MPHOSPH9: variants seen among roughly 807,000 people sequenced by gnomAD.
The protein encoded by MPHOSPH9 is M-phase phosphoprotein 9.
MPHOSPH9 carries 88 observed loss-of-function variants against 145.5 expected under a neutral mutation model. The observed-to-expected ratio is 0.60, with a 90% CI of 0.51 to 0.72. The LOEUF is 0.72. Ranked by LOEUF, MPHOSPH9 falls within the 30% of genes least tolerant of loss-of-function variation. The pLI is 0.00. For synonymous variants in MPHOSPH9, 435 were observed against 486.2 expected (o/e 0.89, Z 1.39); for missense variants, 1,238 against 1,386.6 (o/e 0.89, Z 1.70).
At chr12:123,219,135 G>A (rs2047092585) in intron 5 of MPHOSPH9, among the ~76,000 whole-genome samples, 1 of 151,620 alleles carries the variant, frequency 6.6e-6, no homozygotes, top group South Asian at 2.1e-4. Flanking sequence ...GAACTCCTGG[G>A]CTCAAGTGAT....
intron 13 of MPHOSPH9, among the ~76,000 whole-genome samples, chr12:123,182,306 T>C (rs1247092657): frequency 6.9e-6 from 1 of 144,630 alleles, no homozygotes; most frequent in Non-Finnish European, 1.5e-5. Context: ...TAGGTTGAAG[T>C]GCAGTGGCGT....
chr12:123,175,745 C>G (rs1046937118), intron 16 of MPHOSPH9, among the ~76,000 whole-genome samples: 2 of 143,012 alleles, frequency 1.4e-5, no homozygotes, highest in Non-Finnish European at 3.0e-5. Flanking sequence ...TAAAGAAAGG[C>G]CTTCCCTGGT....
At chr12:123,207,042 CCTCT>C (rs760393060) in intron 8 of MPHOSPH9, among the ~76,000 whole-genome samples, 77 of 150,040 alleles carry the variant, frequency 5.1e-4, no homozygotes, top group African/African-American at 1.7e-3. Context: ...CAGCAAAAAT[CCTCT>C]CTCTAATAAA....
intron 1 of MPHOSPH9, among the ~76,000 whole-genome samples, chr12:123,239,956 T>G (rs1015208724): frequency 6.6e-6 from 1 of 152,078 alleles, no homozygotes; most frequent in Non-Finnish European, 1.5e-5. Flanking sequence ...CATCAAGCAA[T>G]GAACAGTCCT....
At chr12:123,205,016 T>C (rs1278628153) in intron 8 of MPHOSPH9, among the ~76,000 whole-genome samples, 2 of 152,222 alleles carry the variant, frequency 1.3e-5, no homozygotes, top group African/African-American at 2.4e-5. Flanking sequence ...GGACGTATTA[T>C]AGGGTGTGAG....
chr12:123,208,366 G>A (rs573769068), intron 8 of MPHOSPH9, among the ~76,000 whole-genome samples: 2 of 150,730 alleles, frequency 1.3e-5, no homozygotes, highest in African/African-American at 2.4e-5. Context: ...GTGAAACCCC[G>A]TCTCTACTAA....
chr12:123,157,992 T>TA (rs2043944683), intron 23 of MPHOSPH9, among the ~76,000 whole-genome samples: 1 of 152,072 alleles, frequency 6.6e-6, no homozygotes, highest in African/African-American at 2.4e-5. Context: ...TTTTATTTTT[T>TA]TTTTTTTGGT....
chr12:123,224,274 C>T (rs1049017695), intron 3 of MPHOSPH9, among the ~76,000 whole-genome samples: 8 of 151,648 alleles, frequency 5.3e-5, no homozygotes, highest in African/African-American at 1.7e-4. Context: ...GCTGGGACTA[C>T]AGGCACCCGC....
Position 123,202,955 on chromosome 12 carries a change from T to C in MPHOSPH9, c.1450A>G (p.Met484Val). ...FSPDSVLEPS[M>V]SSPSDIDSFS... Reference sequence around the variant, plus strand: ...GAGTCTATGTCAGAGGGACTAGACATACTAGGCTCTAGAACAGAGTCCGGG... The same window carrying C: ...GAGTCTATGTCAGAGGGACTAGACACACTAGGCTCTAGAACAGAGTCCGGG... Residue 484 changes from methionine to valine, a missense_variant, in exon 10 of 24, where the codon ATG becomes GTG. By Grantham distance (21) the Met-to-Val change is conservative. Coordinates refer to ENST00000606320, the MANE Select transcript of MPHOSPH9 (RefSeq NM_022782.4). The C allele has an allele frequency of 1.9e-6, 3 of 1,614,154 alleles. No homozygotes were observed.
rs777525775 is a variant in MPHOSPH9 at position 123,221,884 on chromosome 12, C to T, written c.360G>A (p.Glu120=). The T allele has an allele frequency of 7.7e-6, 12 of 1,555,636 alleles. No individual in the cohort carries two copies. Among genetic ancestry groups the T allele is most frequent in the Admixed American group, 1.9e-5 (1 of 51,448 alleles). ...QFHNQIQHIQ[E]EIKNLVKLQT... ...GTAATTTGACTAAATTTTTTATCTC[C>T]TCCTGTATATGCTGGAAATAAAAAG... Residue 120 remains glutamate (E), a synonymous_variant, in exon 5 of 24, where the codon GAG becomes GAA. Transcript: ENST00000606320.
chr12:123,198,083 CAA>C (rs72059632), intron 12 of MPHOSPH9, among the ~76,000 whole-genome samples, 162 bp downstream of exon 12: 15 of 109,750 alleles, frequency 1.4e-4, no homozygotes, highest in Admixed American at 1.8e-4. Context: ...GACTCCGTCT[CAA>C]AAAAAAAAAA....
Position 123,230,331 on chromosome 12 carries a change from T to C in MPHOSPH9, c.34A>G (p.Lys12Glu), listed in dbSNP as rs752564661. 1 of 1,534,160 alleles carries C rather than the reference T, an allele frequency of 6.5e-7. No individual in the cohort carries two copies. Among genetic ancestry groups the C allele is most frequent in the South Asian group, 1.2e-5 (1 of 83,934 alleles). ...TCAGATCCTACAGAAGATGAAGTTT[T>C]GTGTAAGGTTTTCACCAAGTCAAAC... ...EEFDLVKTLH[K>E]TSSSVGSDEN... Residue 12 changes from lysine to glutamate, a missense_variant, in exon 2 of 24, where the codon AAA (lysine) becomes GAA (glutamate). This residue lies in a region of MPHOSPH9 where 837 missense variants were observed against 897.5 expected (regional missense o/e 0.93). Coordinates refer to ENST00000606320, the MANE Select transcript of MPHOSPH9 (RefSeq NM_022782.4).
intron 15 of MPHOSPH9, among the ~76,000 whole-genome samples, chr12:123,178,456 T>C (rs2044980287): frequency 6.6e-6 from 1 of 152,196 alleles, no homozygotes; most frequent in Non-Finnish European, 1.5e-5. Flanking sequence ...ATAAGGGACG[T>C]TACTTATATC....
At chr12:123,166,167 A>G (rs1618679) in intron 17 of MPHOSPH9, among the ~76,000 whole-genome samples, 96,649 of 152,070 alleles carry the variant, frequency 0.64, 35,275 homozygotes, top group East Asian at 0.97. Context: ...GTGCAGTGGC[A>G]CAATCATAGC....
Position 123,176,769 on chromosome 12 carries a change from G to A in MPHOSPH9, c.2375C>T (p.Ala792Val). 6.2e-7 allele frequency: 1 copy of A among 1,613,096 alleles called. No homozygotes were observed. Among genetic ancestry groups the A allele is most frequent in the Non-Finnish European group, 8.5e-7 (1 of 1,179,310 alleles). ...TTCATGTTCTACTTGCTTGACCTGA[G>A]CTTCAAGTTTTGAAATCATTCTAAT... is the stretch of plus-strand genomic sequence containing the variant. The part of the protein sequence containing the change: ...DLKRMISKLE[A>V]QVKQVEHENM... The change falls in exon 16 of 24, where the codon GCT becomes GTT. Residue 792 changes from alanine to valine, a missense_variant. Transcript: ENST00000606320.
rs371930774 is a variant in MPHOSPH9, at chr12:123,179,993, A to G, written c.2290-3T>C. On this transcript the variant is annotated splice_polypyrimidine_tract_variant and splice_region_variant and intron_variant, in intron 14 of 23. Coordinates refer to ENST00000606320, the MANE Select transcript of MPHOSPH9 (RefSeq NM_022782.4). ...TTCTCAGTTGTATTTAATGCATCCT[A>G]TGGAAATAAAGGAGAAATTCAGATA... 3.4e-5 allele frequency: 47 copies of G among 1,390,110 alleles called. No individual in the cohort carries two copies. The highest frequency in any genetic ancestry group is 4.4e-5 in the Non-Finnish European group (45 of 1,022,828). 86.1% of individuals were successfully genotyped at this position (1,390,110 alleles called of 1,614,324 possible).
chr12:123,194,525 G>C lies in MPHOSPH9; in HGVS notation c.2102C>G (p.Thr701Arg), dbSNP rs200030647. 1.9e-6 allele frequency: 3 copies of C among 1,612,756 alleles called. No homozygotes were observed. The highest frequency in any genetic ancestry group is 2.7e-5 in the African/African-American group (2 of 74,802). ...ILQERIEEMR[T>R]SSKEKDNTII... ...GGTATTGTCTTTTTCTTTACTGCTT[G>C]TTCTCATTTCTTCAATTCGTTCCTG... The change falls in exon 13 of 24, where the codon ACA becomes AGA. Residue 701 changes from threonine to arginine, a missense_variant. This residue lies in a region of MPHOSPH9 where 837 missense variants were observed against 897.5 expected (regional missense o/e 0.93). Transcript: ENST00000606320.
At chr12:123,184,618 C>G (rs1210323795) in intron 13 of MPHOSPH9, among the ~76,000 whole-genome samples, 1 of 151,700 alleles carries the variant, frequency 6.6e-6, no homozygotes, top group Non-Finnish European at 1.5e-5. Context: ...CTGCCTCAGT[C>G]CCCTGAGTAG....
chr12:123,189,975 T>C (rs188149360), intron 13 of MPHOSPH9, among the ~76,000 whole-genome samples: 201 of 151,626 alleles, frequency 1.3e-3, no homozygotes, highest in African/African-American at 4.4e-3. Context: ...TTGATAGTAT[T>C]TATAAAAGTT....
Sources: allele counts gnomAD v4.1 joint callset (sites outside exome capture counted in the v4.1 genomes callset), GRCh38; gene constraint gnomAD v4.1.1; regional missense constraint gnomAD v4.1.1; transcripts MANE v1.5; gene names NCBI Gene and HGNC (gene_info 2026-07-23, HGNC 2026-07-21).